The following TMEM38B variants were observed in gnomAD, a reference collection of about 807,000 sequenced individuals.
TMEM38B encodes transmembrane protein 38B.
TMEM38B carries 24 observed loss-of-function variants against 28.7 expected under a neutral mutation model. The ratio of observed to expected loss-of-function variants is 0.84; its 90% CI spans 0.61 to 1.18. The LOEUF (loss-of-function observed/expected upper bound fraction) is 1.18. Ranked by LOEUF, TMEM38B falls within the 50% of genes most tolerant of loss-of-function variation. TMEM38B has a pLI of 0.00. For missense variants in TMEM38B, 380 were observed against 350.9 expected (o/e 1.08, Z -0.66); for synonymous variants, 131 against 127.7 (o/e 1.03, Z -0.17).
intron 2 of TMEM38B, among the ~76,000 whole-genome samples, chr9:105,712,142 T>C (rs1835929346): frequency 6.6e-6 from 1 of 152,170 alleles, no homozygotes; most frequent in African/African-American, 2.4e-5. Context: ...CTCGAATTCC[T>C]GAGCTCAAGT....
At chr9:105,705,435 T>TA (rs1835620489) in intron 1 of TMEM38B, among the ~76,000 whole-genome samples, 162 bp from the exon 2 acceptor site, 1 of 152,192 alleles carries the variant, frequency 6.6e-6, no homozygotes, top group African/African-American at 2.4e-5. Flanking sequence ...CTTTAAAGAA[T>TA]AAAAGGTATG....
chr9:105,758,264 A>G, intron 5 of TMEM38B: 1 of 671,832 alleles, frequency 1.5e-6, no homozygotes, highest in Admixed American at 2.3e-5. Context: ...CAGTGTGGAC[A>G]CTGAGGCTCA....
Position 105,694,644 on chromosome 9 carries a change from C to A in TMEM38B, c.-17C>A, listed in dbSNP as rs1223080119. 12 of 1,607,524 alleles carry A rather than the reference C, an allele frequency of 7.5e-6. No homozygotes were observed. The highest frequency in any genetic ancestry group is 9.4e-6 in the Non-Finnish European group (11 of 1,174,598). The stretch of plus-strand genomic sequence containing the variant: ...CAGTAGCCGCGGCTGCTTCGGTTGC[C>A]GCGGTCGGTGGTCGTTATGGATTCT... On this transcript the variant is annotated 5_prime_UTR_variant, in exon 1 of 6. Coordinates refer to ENST00000374692, the MANE Select transcript of TMEM38B (RefSeq NM_018112.3).
chr9:105,751,864 C>T (rs969746012), intron 5 of TMEM38B, among the ~76,000 whole-genome samples: 4 of 152,116 alleles, frequency 2.6e-5, no homozygotes, highest in African/African-American at 7.2e-5. Context: ...GACCCTGATT[C>T]ATTCCTCCTC....
chr9:105,759,782 T>A (rs1440344296), intron 5 of TMEM38B: 1 of 1,609,066 alleles, frequency 6.2e-7, no homozygotes, highest in Non-Finnish European at 8.5e-7. Flanking sequence ...ACCACTACTT[T>A]GACTGCTCAA....
intron 1 of TMEM38B, among the ~76,000 whole-genome samples, chr9:105,698,516 T>C (rs1835359756): frequency 6.6e-6 from 1 of 152,156 alleles, no homozygotes; most frequent in Non-Finnish European, 1.5e-5. Flanking sequence ...CATTTAAAAA[T>C]GTAATGTAGT....
At chr9:105,761,411 G>A (rs1838043015) in intron 5 of TMEM38B, among the ~76,000 whole-genome samples, 1 of 152,242 alleles carries the variant, frequency 6.6e-6, no homozygotes, top group African/African-American at 2.4e-5. Context: ...TCTATTAGAA[G>A]ATGGGGACGT....
intron 4 of TMEM38B, among the ~76,000 whole-genome samples, chr9:105,732,247 A>C (rs55724983): frequency 0.023 from 3,515 of 152,196 alleles, 134 homozygotes; most frequent in African/African-American, 0.081. Flanking sequence ...ATTTTCTCCC[A>C]TTCTGTAGGT....
chr9:105,726,069 G>A (rs1047526677), intron 4 of TMEM38B, among the ~76,000 whole-genome samples: 1 of 152,044 alleles, frequency 6.6e-6, no homozygotes, highest in African/African-American at 2.4e-5. Flanking sequence ...GGCATGCAGT[G>A]TGTAGCGACA....
At chr9:105,746,401 T>C (rs920958897) in intron 4 of TMEM38B, among the ~76,000 whole-genome samples, 2 of 152,242 alleles carry the variant, frequency 1.3e-5, no homozygotes, top group African/African-American at 4.8e-5. Flanking sequence ...TGTATAAGAA[T>C]GCTCGTGATT....
intron 4 of TMEM38B, among the ~76,000 whole-genome samples, chr9:105,730,441 A>G (rs949126993): frequency 1.3e-5 from 2 of 152,020 alleles, no homozygotes; most frequent in Non-Finnish European, 2.9e-5. Flanking sequence ...TGGTGGATAA[A>G]CTTTTTGATG....
chr9:105,755,938 G>A (rs1837814779), intron 5 of TMEM38B, among the ~76,000 whole-genome samples: 2 of 152,056 alleles, frequency 1.3e-5, no homozygotes, highest in South Asian at 4.2e-4. Context: ...TGTTTTAAAA[G>A]GCAGATTCCT....
intron 2 of TMEM38B, among the ~76,000 whole-genome samples, chr9:105,712,214 C>T (rs1187334810): frequency 6.6e-6 from 1 of 152,152 alleles, no homozygotes; most frequent in Admixed American, 6.5e-5. Flanking sequence ...TGTGCCCGAC[C>T]GACTTCCCAC....
Position 105,757,095 on chromosome 9 carries a change from A to G in TMEM38B, c.660+8905A>G, listed in dbSNP as rs1011719901. ...CCCCCAAGTCCTCAAAGTTCATTGT[A>G]TCATTCTTATGCCCTTGCATCCTCA... On this transcript the variant is annotated intron_variant, in intron 5 of 5. Coordinates refer to ENST00000374692, the MANE Select transcript of TMEM38B (RefSeq NM_018112.3). Among the ~76,000 whole-genome samples, 9 of 152,172 alleles carry G rather than the reference A, an allele frequency of 5.9e-5. No individual in the cohort carries two copies. In the South Asian group the frequency reaches 1.2e-3, roughly 21 times the overall value.
chr9:105,713,432 T>G (rs573974659), intron 2 of TMEM38B, among the ~76,000 whole-genome samples: 1 of 152,198 alleles, frequency 6.6e-6, no homozygotes, highest in African/African-American at 2.4e-5. Flanking sequence ...GGGTTGGGGC[T>G]GAGCCTAGGC....
intron 5 of TMEM38B, among the ~76,000 whole-genome samples, chr9:105,754,820 A>G (rs898799076): frequency 6.6e-6 from 1 of 152,210 alleles, no homozygotes; most frequent in African/African-American, 2.4e-5. Flanking sequence ...CTTCAAAAAA[A>G]TCAACAAATC....
At chr9:105,749,321 G>A (rs1465798651) in intron 5 of TMEM38B, 1 of 209,266 alleles carries the variant, frequency 4.8e-6, no homozygotes, top group Non-Finnish European at 9.5e-6. Context: ...CACATGGCTG[G>A]GGAGGCTTCA....
At chr9:105,711,729 A>G (rs1835910656) in intron 2 of TMEM38B, among the ~76,000 whole-genome samples, 2 of 151,566 alleles carry the variant, frequency 1.3e-5, no homozygotes, top group East Asian at 3.9e-4. Context: ...CTGAAGTGGG[A>G]GAATCACCTG....
chr9:105,719,227 ATTC>A (rs1174845791), intron 2 of TMEM38B, among the ~76,000 whole-genome samples: 1 of 152,136 alleles, frequency 6.6e-6, no homozygotes, highest in Non-Finnish European at 1.5e-5. Flanking sequence ...TGAGACGTTT[ATTC>A]TTTCGTTATT....
Sources: gnomAD v4.1 joint callset for allele counts (sites outside exome capture counted in the v4.1 genomes callset) on GRCh38, gnomAD v4.1.1 for gene constraint, MANE v1.5 for transcripts, NCBI Gene and HGNC (gene_info 2026-07-23, HGNC 2026-07-21) for gene names.